Variants in TRIM37 observed in about 807,000 individuals in gnomAD.
The protein encoded by TRIM37 is tripartite motif containing 37, also known as E3 ubiquitin-protein ligase TRIM37.
A neutral mutation model predicts 129.8 loss-of-function variants in TRIM37; 80 were observed. That is an observed-to-expected ratio of 0.62 (90% CI 0.51 to 0.74). TRIM37 has a LOEUF of 0.74. TRIM37 is among the 30% of genes least tolerant of loss of function. TRIM37 has a pLI of 0.00. For synonymous variants in TRIM37, 389 were observed against 387.1 expected, an observed-to-expected ratio of 1.00 and a Z score of -0.06; for missense variants, 1,054 against 1,176.5, an observed-to-expected ratio of 0.90 and a Z score of 1.52.
chr17:59,059,990 T>C (rs1177940408), intron 12 of TRIM37, among the ~76,000 whole-genome samples: 1 of 152,210 alleles, frequency 6.6e-6, no homozygotes, highest in Non-Finnish European at 1.5e-5. Flanking sequence ...CAATCTCAGG[T>C]AGTTTCCTCA....
At chr17:58,972,222 G>A in the TRIM37 span, 1 of 1,614,162 alleles carries the variant, frequency 6.2e-7, no homozygotes, top group Non-Finnish European at 8.5e-7. Context: ...GGTTATGCTT[G>A]TGAGAAAGGG....
the TRIM37 span, chr17:58,969,636 G>A: frequency 2.3e-5 from 37 of 1,613,976 alleles, no homozygotes; most frequent in Admixed American, 2.7e-4. Flanking sequence ...AACTTAGTCC[G>A]CCAGGAGATG....
intron 1 of TRIM37, among the ~76,000 whole-genome samples, 196 bp downstream of exon 1, chr17:59,106,245 C>T (rs933092744): frequency 6.6e-6 from 1 of 152,198 alleles, no homozygotes. Flanking sequence ...CACCTGACTG[C>T]GGAACAGTGA....
intron 2 of TRIM37, among the ~76,000 whole-genome samples, chr17:59,102,039 T>C (rs1451069296): frequency 6.6e-6 from 1 of 151,906 alleles, no homozygotes; most frequent in East Asian, 1.9e-4. Flanking sequence ...TAGAATCGGT[T>C]TGAGAAAATA....
intron 22 of TRIM37, among the ~76,000 whole-genome samples, chr17:59,010,889 G>T (rs1400334797): frequency 6.6e-6 from 1 of 152,032 alleles, no homozygotes; most frequent in Non-Finnish European, 1.5e-5. Flanking sequence ...ACTATTCCCC[G>T]GCCGGCCTTG....
At chr17:59,022,984 T>C (rs1050661555) in intron 19 of TRIM37, among the ~76,000 whole-genome samples, 3 of 152,138 alleles carry the variant, frequency 2.0e-5, no homozygotes, top group African/African-American at 7.2e-5. Context: ...ATATTCGAAT[T>C]TTTTTCAACC....
the TRIM37 span, chr17:58,969,760 A>G: frequency 6.2e-7 from 1 of 1,601,174 alleles, no homozygotes; most frequent in Non-Finnish European, 8.6e-7. Flanking sequence ...CCAGCTAGAA[A>G]TGTACTAGCT....
At chr17:58,994,282 C>A (rs531384249), downstream of TRIM37, among the ~76,000 whole-genome samples, 1 of 152,194 alleles carries the variant, frequency 6.6e-6, no homozygotes, top group South Asian at 2.1e-4. Flanking sequence ...ATACAGTCAG[C>A]CCTCTATTAT....
At chr17:58,999,527 C>T in intron 23 of TRIM37, 68 bp from the exon 24 acceptor site, 1 of 1,325,514 alleles carries the variant, frequency 7.5e-7, no homozygotes, top group South Asian at 1.3e-5. Context: ...ATTTTCCTTC[C>T]CAAGTCTTTA....
At chr17:58,974,615 A>G in the TRIM37 span, among the ~76,000 whole-genome samples, 1 of 152,208 alleles carries the variant, frequency 6.6e-6, no homozygotes, top group South Asian at 2.1e-4. Context: ...ATCAATATGT[A>G]TATCTATATG....
intron 4 of TRIM37, 72 bp from the exon 5 acceptor site, chr17:59,084,161 T>C: frequency 8.4e-7 from 1 of 1,188,300 alleles, no homozygotes; most frequent in South Asian, 1.2e-5. Flanking sequence ...ATTCTTAAGC[T>C]TGGGCAAACA....
chr17:59,061,135 G>T, intron 11 of TRIM37, 27 bp from the exon 12 acceptor site: 2 of 1,597,204 alleles, frequency 1.3e-6, no homozygotes, highest in Non-Finnish European at 1.7e-6. Flanking sequence ...CAGTTTGAGT[G>T]TAAAAAAATT....
At chr17:58,972,285 G>A in the TRIM37 span, 19 of 1,612,818 alleles carry the variant, frequency 1.2e-5, no homozygotes, top group South Asian at 2.0e-4. Context: ...GGTAAGTATG[G>A]TCTGTTTTAA....
intron 24 of TRIM37, among the ~76,000 whole-genome samples, chr17:58,989,072 TATA>T (rs2032094508): frequency 6.6e-6 from 1 of 152,126 alleles, no homozygotes; most frequent in Non-Finnish European, 1.5e-5. Context: ...ATTAACAAAA[TATA>T]TAGAGTCATA....
In TRIM37 at chr17:59,081,167, G is replaced by T; in HGVS notation, c.422C>A (p.Thr141Asn). 3.1e-6 allele frequency: 5 copies of T among 1,613,894 alleles called. No individual in the cohort carries two copies. Among genetic ancestry groups the T allele is most frequent in the Non-Finnish European group, 4.2e-6 (5 of 1,179,894 alleles). ...TTTGGCTACCTCTTCATTCACTTTA[G>T]TGACGTGTTGCTCATAAATTTCTGC... ...PLAEIYEQHVTKVNEEVAKLR... is the reference protein window; with the variant it reads ...PLAEIYEQHVNKVNEEVAKLR... The change falls in exon 6 of 24, where the codon ACT becomes AAT. Residue 141 changes from threonine to asparagine, a missense_variant. This residue lies in a region of TRIM37 where 752 missense variants were observed against 870.8 expected (regional missense o/e 0.86). Coordinates refer to ENST00000262294, the MANE Select transcript of TRIM37 (RefSeq NM_015294.6).
intron 16 of TRIM37, among the ~76,000 whole-genome samples, chr17:59,042,693 G>A (rs1398440811): frequency 6.6e-6 from 1 of 151,302 alleles, no homozygotes; most frequent in African/African-American, 2.4e-5. Flanking sequence ...AACCCGGGAG[G>A]TGGAGGTTGT....
At chr17:59,057,135 T>C (rs1437139421) in intron 12 of TRIM37, 81 bp from the exon 13 acceptor site, 5 of 1,223,758 alleles carry the variant, frequency 4.1e-6, no homozygotes, top group Non-Finnish European at 5.9e-6. Flanking sequence ...TTAAGGTCAC[T>C]AAGTAATTAC....
At chr17:59,018,757 C>T (rs1362357002) in intron 19 of TRIM37, among the ~76,000 whole-genome samples, 1 of 151,256 alleles carries the variant, frequency 6.6e-6, no homozygotes, top group Non-Finnish European at 1.5e-5. Flanking sequence ...CAAGCTAATC[C>T]TAAAATCCAT....
intron 23 of TRIM37, among the ~76,000 whole-genome samples, chr17:59,000,992 A>G (rs1291092352): frequency 6.6e-6 from 1 of 152,116 alleles, no homozygotes; most frequent in Non-Finnish European, 1.5e-5. Flanking sequence ...CAAGAGTTCG[A>G]GACCAGCCTG....
Sources: allele counts gnomAD v4.1 joint callset (sites outside exome capture counted in the v4.1 genomes callset), GRCh38; gene constraint gnomAD v4.1.1; regional missense constraint gnomAD v4.1.1; transcripts MANE v1.5; gene names NCBI Gene and HGNC (gene_info 2026-07-23, HGNC 2026-07-21).